The following DPYSL2 variants were observed in gnomAD, a reference collection of about 807,000 sequenced individuals.
The protein encoded by DPYSL2 is dihydropyrimidinase-related protein 2.
Under a neutral mutation model 69.9 loss-of-function variants are expected in DPYSL2, and 13 were observed. That is an observed-to-expected ratio of 0.19 (90% CI 0.12 to 0.30). The LOEUF is 0.30. DPYSL2 is among the 10% of genes least tolerant of loss of function. DPYSL2 has a pLI of 1.00. For synonymous variants in DPYSL2, 326 were observed against 359.1 expected (o/e 0.91, Z 1.04); for missense variants, 587 against 918.9 (o/e 0.64, Z 4.67).
chr8:26,597,010 A>G lies in DPYSL2; in HGVS notation c.628+13027A>G, dbSNP rs376084832. Among the ~76,000 whole-genome samples, 14 of 152,232 alleles carry G rather than the reference A, an allele frequency of 9.2e-5. 1 individual carries two copies. In the East Asian group the frequency reaches 1.7e-3, roughly 19 times the overall value. On this transcript the variant is annotated intron_variant, in intron 3 of 13. Transcript: ENST00000521913. This position sits in a 1 kb window ranked among gnomAD's most constrained non-coding sequence, Gnocchi z 5.2. ...CAAGTTTTATCCTGCCCTTCCATCC[A>G]CCTGTTATTTAAAAGTACTTTTTCT... is the stretch of plus-strand genomic sequence containing the variant.
In DPYSL2 at chr8:26,598,819, T is replaced by C. The variant is rs1216350475; in HGVS notation, c.628+14836T>C. On this transcript the variant is annotated intron_variant, in intron 3 of 13. Transcript: ENST00000521913. This position sits in a 1 kb window ranked among gnomAD's most constrained non-coding sequence, Gnocchi z 4.2. ...GTTTATTGCAATCTTTCTTTCATTT[T>C]GCAGGCGGTGGGGGTGGGGGAATGA... Among the ~76,000 whole-genome samples the C allele has an allele frequency of 6.6e-6, 1 of 151,144 alleles. No individual in the cohort carries two copies. Among genetic ancestry groups the C allele is most frequent in the Non-Finnish European group, 1.5e-5 (1 of 67,912 alleles).
rs1391663839 is a variant in DPYSL2 at position 26,648,241 on chromosome 8, A to G, written c.1596+441A>G. On this transcript the variant is annotated intron_variant, in intron 11 of 13. Transcript: ENST00000521913. This position sits in a 1 kb window ranked among gnomAD's most constrained non-coding sequence, Gnocchi z 4.3. Reference sequence around the variant, plus strand: ...CCATTGTTTTCTCAGGCCAGTATCCATGCAGAAAACTGGATGACAGCCATT... The same window carrying G: ...CCATTGTTTTCTCAGGCCAGTATCCGTGCAGAAAACTGGATGACAGCCATT... 1.3e-5 allele frequency among the ~76,000 whole-genome samples: 2 copies of G among 152,152 alleles called. No individual in the cohort carries two copies. The highest frequency in any genetic ancestry group is 2.4e-5 in the African/African-American group (1 of 41,428).
At chr8:26,574,027 TGGGAGAAGAGG>T (rs1732461671) in intron 1 of DPYSL2, among the ~76,000 whole-genome samples, 1 of 152,122 alleles carries the variant, frequency 6.6e-6, no homozygotes, top group Non-Finnish European at 1.5e-5. Flanking sequence ...TGCTGGTAGC[TGGGAGAAGAGG>T]GGGCTTTTTG....
Position 26,643,281 on chromosome 8 carries a change from C to G in DPYSL2, c.1127-158C>G, listed in dbSNP as rs573538399. The G allele has an allele frequency of 4.1e-6, 3 of 733,334 alleles. No homozygotes were observed. Among genetic ancestry groups the G allele is most frequent in the South Asian group, 4.9e-5 (2 of 40,724 alleles). The allele number at this position is 733,334 out of a possible 1,614,324, so 45.4% of individuals were successfully genotyped here. On this transcript the variant is annotated intron_variant, in intron 8 of 13. Transcript: ENST00000521913. This position sits in a 1 kb window ranked among gnomAD's most constrained non-coding sequence, Gnocchi z 6.5. ...GGCTGGCAGAGGTACTGAATTTCTC[C>G]AAGTCTCAGTTTCCTCATCTGCGAG...
At chr8:26,590,892 G>T (rs1041292797) in intron 3 of DPYSL2, among the ~76,000 whole-genome samples, 1 of 152,260 alleles carries the variant, frequency 6.6e-6, no homozygotes, top group Non-Finnish European at 1.5e-5. Flanking sequence ...GGTTGGGCTA[G>T]CCAGGTAGGC....
intron 1 of DPYSL2, among the ~76,000 whole-genome samples, chr8:26,544,244 T>C (rs1313006440): frequency 6.6e-6 from 1 of 152,172 alleles, no homozygotes; most frequent in Non-Finnish European, 1.5e-5. Context: ...TGCATGGACA[T>C]AAGGGACAGT....
rs1488734028 is a variant in DPYSL2, at chr8:26,656,826, GC to G, written c.*1121del. 6.6e-6 allele frequency: 1 copy of G among 152,640 alleles called. No individual in the cohort carries two copies. The highest frequency in any genetic ancestry group is 2.4e-5 in the African/African-American group (1 of 41,436). 9.5% of individuals were successfully genotyped at this position (152,640 alleles called of 1,614,324 possible). A position where few individuals can be genotyped will look rare whatever the true frequency, so the allele number is the denominator to read the frequency against. On this transcript the variant is annotated 3_prime_UTR_variant, in exon 14 of 14. Transcript: ENST00000521913. ...GTGGAACCGCAGACAGGGCCCAGAA[GC>G]TTTAGAGGTATGAGGCTGCAGAACC...
At chr8:26,540,099 A>G (rs1267896217) in intron 1 of DPYSL2, among the ~76,000 whole-genome samples, 2 of 152,242 alleles carry the variant, frequency 1.3e-5, no homozygotes, top group African/African-American at 4.8e-5. Flanking sequence ...CTACAAGAGA[A>G]CACAAGTAGA....
chr8:26,543,911 C>A (rs1800723465), intron 1 of DPYSL2, among the ~76,000 whole-genome samples: 1 of 152,186 alleles, frequency 6.6e-6, no homozygotes, highest in South Asian at 2.1e-4. Flanking sequence ...TTCCAAAGTG[C>A]TAGGATTACA....
At position 26,626,482 on chromosome 8, in the gene DPYSL2, AACAC is replaced by A. The variant is rs58931747; in HGVS notation, c.794-98_794-95del. The A allele has an allele frequency of 0.088, 47,754 of 544,208 alleles. 1,407 individuals carry two copies. The highest frequency in any genetic ancestry group is 0.15 in the African/African-American group (7,615 of 50,142). 33.7% of individuals were successfully genotyped at this position (544,208 alleles called of 1,614,324 possible). A position where few individuals can be genotyped will look rare whatever the true frequency, so the allele number is the denominator to read the frequency against. On this transcript the variant is annotated intron_variant, in intron 4 of 13. Coordinates refer to ENST00000521913, the MANE Select transcript of DPYSL2 (RefSeq NM_001197293.3). The surrounding 1 kb of genome is among the most constrained non-coding windows in gnomAD (Gnocchi z 4.3). ...TCTCCTCTCTCTTTCTCTGTACTGA[AACAC>A]ACACACACACACACACACACACACA...
At chr8:26,608,028 G>A (rs1451294140) in intron 3 of DPYSL2, among the ~76,000 whole-genome samples, 1 of 141,646 alleles carries the variant, frequency 7.1e-6, no homozygotes, top group East Asian at 2.1e-4. Context: ...AGTGAGCCTA[G>A]ATCACGCCAC....
chr8:26,635,958 G>A (rs1473843846), intron 8 of DPYSL2, among the ~76,000 whole-genome samples: 7 of 152,012 alleles, frequency 4.6e-5, no homozygotes, highest in Admixed American at 1.3e-4. Context: ...TTTTTCACTG[G>A]CGGGTGACTT....
chr8:26,624,512 T>C lies in DPYSL2; in HGVS notation c.793+205T>C, dbSNP rs900324687. On this transcript the variant is annotated intron_variant, in intron 4 of 13. Coordinates refer to ENST00000521913, the MANE Select transcript of DPYSL2 (RefSeq NM_001197293.3). The surrounding 1 kb of genome is among the most constrained non-coding windows in gnomAD (Gnocchi z 4.7). ...CCCAGTGCAGTAACATGAGCCTTCA[T>C]TGATGATAAGAGAAGATGAGGCTTA... Among the ~76,000 whole-genome samples, 5 of 152,140 alleles carry C rather than the reference T, an allele frequency of 3.3e-5. No individual in the cohort carries two copies. The highest frequency in any genetic ancestry group is 7.2e-5 in the African/African-American group (3 of 41,414).
At position 26,514,826 on chromosome 8, in the gene DPYSL2, TCTC is replaced by T; in HGVS notation, c.354+149_354+151del. 1 of 747,220 alleles carries T rather than the reference TCTC, an allele frequency of 1.3e-6. No homozygotes were observed. The highest frequency in any genetic ancestry group is 1.9e-6 in the Non-Finnish European group (1 of 513,866). The allele number at this position is 747,220 out of a possible 1,614,324, so 46.3% of individuals were successfully genotyped here. On this transcript the variant is annotated intron_variant, in intron 1 of 13. Coordinates refer to ENST00000521913, the MANE Select transcript of DPYSL2 (RefSeq NM_001197293.3). This position sits in a 1 kb window ranked among gnomAD's most constrained non-coding sequence, Gnocchi z 8.4. ...CGCGCACCCCGCCCTACCCGCCCCT[TCTC>T]CGCGCAGGGTGCGGCGAGGCTCGGG...
intron 1 of DPYSL2, among the ~76,000 whole-genome samples, chr8:26,556,935 C>G (rs1800997175): frequency 6.6e-6 from 1 of 152,162 alleles, no homozygotes; most frequent in East Asian, 1.9e-4. Context: ...ATATAGTTGA[C>G]ATATCCTTGA....
Position 26,587,043 on chromosome 8 carries a change from G to A in DPYSL2, c.628+3060G>A, listed in dbSNP as rs969646751. Among the ~76,000 whole-genome samples the A allele has an allele frequency of 7.2e-5, 11 of 152,206 alleles. No individual in the cohort carries two copies. Among genetic ancestry groups the A allele is most frequent in the African/African-American group, 2.2e-4 (9 of 41,450 alleles). On this transcript the variant is annotated intron_variant, in intron 3 of 13. Transcript: ENST00000521913. This position sits in a 1 kb window ranked among gnomAD's most constrained non-coding sequence, Gnocchi z 4.2. ...TCTACTAGCCTGCCTTTCCCCGGGG[G>A]AGGGAATGGTAATAATACAGGTGAG...
intron 1 of DPYSL2, among the ~76,000 whole-genome samples, chr8:26,543,491 GT>G (rs35290709): frequency 2.9e-4 from 41 of 143,788 alleles, no homozygotes; most frequent in Admixed American, 4.2e-4. Context: ...CTCTACCTTG[GT>G]TTTTTTTTTT....
chr8:26,629,642 C>T (rs1345310269), intron 7 of DPYSL2, among the ~76,000 whole-genome samples: 1 of 152,226 alleles, frequency 6.6e-6, no homozygotes, highest in Non-Finnish European at 1.5e-5. Flanking sequence ...GAGGGAAGCC[C>T]CATGCTGAGA....
chr8:26,520,023 GGGAGGGACCT>G (rs1271453063), intron 1 of DPYSL2, among the ~76,000 whole-genome samples: 1 of 152,192 alleles, frequency 6.6e-6, no homozygotes, highest in African/African-American at 2.4e-5. Flanking sequence ...CACATGTTGT[GGGAGGGACCT>G]GGAGGGAGAT....
Sources: allele counts gnomAD v4.1 joint callset (sites outside exome capture counted in the v4.1 genomes callset), GRCh38; gene constraint gnomAD v4.1.1; non-coding constraint Gnocchi (gnomAD v3.1); transcripts MANE v1.5; gene names NCBI Gene and HGNC (gene_info 2026-07-23, HGNC 2026-07-21).